The following WDR72 variants were observed in gnomAD, a reference collection of about 807,000 sequenced individuals.
The protein encoded by WDR72 is WD repeat-containing protein 72.
In WDR72, 120 loss-of-function variants were observed where a neutral mutation model predicts 124.2. That is an observed-to-expected ratio of 0.97 (90% CI 0.83 to 1.12). WDR72 has a LOEUF of 1.12. Among genes scored for constraint, WDR72 ranks in the 50% most tolerant of loss-of-function variants. WDR72 has a pLI of 0.00. For missense variants in WDR72, 1,387 were observed against 1,278.8 expected (o/e 1.08, Z -1.29); for synonymous variants, 452 against 441.7 (o/e 1.02, Z -0.29).
intron 18 of WDR72, among the ~76,000 whole-genome samples, chr15:53,525,533 G>T (rs983099257): frequency 6.6e-6 from 1 of 151,958 alleles, no homozygotes; most frequent in Non-Finnish European, 1.5e-5. Flanking sequence ...CTAAATCAGG[G>T]ACCTCACAGA....
intron 18 of WDR72, among the ~76,000 whole-genome samples, chr15:53,569,760 C>G (rs1894440661): frequency 6.6e-6 from 1 of 151,976 alleles, no homozygotes; most frequent in Non-Finnish European, 1.5e-5. Flanking sequence ...CTTTATCATG[C>G]CCCCCTAGAA....
intron 17 of WDR72, among the ~76,000 whole-genome samples, chr15:53,608,379 A>C (rs1056674218): frequency 5.9e-5 from 9 of 152,196 alleles, no homozygotes; most frequent in Non-Finnish European, 1.3e-4. Flanking sequence ...ATCATGGATA[A>C]ACTGGAGATC....
At chr15:53,575,662 G>A (rs1894726168) in intron 18 of WDR72, among the ~76,000 whole-genome samples, 1 of 152,120 alleles carries the variant, frequency 6.6e-6, no homozygotes, top group South Asian at 2.1e-4. Flanking sequence ...TACCTAGCCT[G>A]CATAGTTATT....
At chr15:53,760,692 A>G (rs893862607), upstream of WDR72, among the ~76,000 whole-genome samples, 6 of 152,192 alleles carry the variant, frequency 3.9e-5, no homozygotes, top group African/African-American at 1.4e-4. Context: ...TTTTGGATGT[A>G]TACCTAGCAA....
chr15:53,698,049 A>T (rs1485942178), intron 13 of WDR72, among the ~76,000 whole-genome samples: 4 of 152,080 alleles, frequency 2.6e-5, no homozygotes, highest in Non-Finnish European at 5.9e-5. Context: ...CTTTATATTT[A>T]TTTTTCAAAC....
At chr15:53,638,762 C>T (rs766248999) in intron 14 of WDR72, among the ~76,000 whole-genome samples, 22 of 151,926 alleles carry the variant, frequency 1.4e-4, no homozygotes, top group African/African-American at 4.8e-4. Context: ...CCAGCACTTT[C>T]GGAGGACAAT....
chr15:53,642,471 T>C (rs540499783), intron 14 of WDR72, among the ~76,000 whole-genome samples: 1 of 152,134 alleles, frequency 6.6e-6, no homozygotes, highest in East Asian at 1.9e-4. Context: ...TTACTTCATA[T>C]CTAGAAAGGG....
rs117407082 is a variant in WDR72, at chr15:53,579,141, G to A, written c.3148+17938C>T. 6.2e-3 allele frequency among the ~76,000 whole-genome samples: 938 copies of A among 152,204 alleles called. 8 individuals carry two copies. Among genetic ancestry groups the A allele is most frequent in the Non-Finnish European group, 0.01 (709 of 68,000 alleles). On this transcript the variant is annotated intron_variant, in intron 18 of 19. Coordinates refer to ENST00000360509, the MANE Select transcript of WDR72 (RefSeq NM_182758.4). ...AGAGTAGACAAGTGCCAGGTGTGGT[G>A]TATGGTCACCTTGTGAAACTGCATG...
intron 13 of WDR72, among the ~76,000 whole-genome samples, chr15:53,689,827 C>T (rs1595852635): frequency 6.6e-6 from 1 of 151,998 alleles, no homozygotes; most frequent in African/African-American, 2.4e-5. Flanking sequence ...AGATGTCCAA[C>T]AGTGATAGAC....
chr15:53,599,279 A>G (rs956092780), intron 17 of WDR72, among the ~76,000 whole-genome samples: 2 of 152,120 alleles, frequency 1.3e-5, no homozygotes, highest in Non-Finnish European at 2.9e-5. Flanking sequence ...GAACAATTTT[A>G]TAACACTGAA....
intron 1 of WDR72, among the ~76,000 whole-genome samples, chr15:53,758,986 T>A (rs7162653): frequency 2.6e-5 from 4 of 151,646 alleles, no homozygotes; most frequent in Non-Finnish European, 5.9e-5. Context: ...TTTATCTTCC[T>A]GCCTCTCATC....
intron 18 of WDR72, among the ~76,000 whole-genome samples, chr15:53,557,069 CAAG>C: frequency 6.6e-6 from 1 of 152,098 alleles, no homozygotes; most frequent in Non-Finnish European, 1.5e-5. Context: ...ATAGTACTGC[CAAG>C]GTTGACTTGG....
chr15:53,643,257 A>C (rs2140415128), intron 14 of WDR72, among the ~76,000 whole-genome samples: 1 of 152,282 alleles, frequency 6.6e-6, no homozygotes, highest in South Asian at 2.1e-4. Flanking sequence ...ATGAAGATTT[A>C]TGACATAAGG....
At chr15:53,553,164 T>C (rs1021398826) in intron 18 of WDR72, among the ~76,000 whole-genome samples, 1 of 152,168 alleles carries the variant, frequency 6.6e-6, no homozygotes, top group Non-Finnish European at 1.5e-5. Flanking sequence ...GATGTAATTT[T>C]ATTATCTGGC....
At chr15:53,625,375 A>G (rs2014163167) in intron 14 of WDR72, among the ~76,000 whole-genome samples, 1 of 152,228 alleles carries the variant, frequency 6.6e-6, no homozygotes, top group South Asian at 2.1e-4. Flanking sequence ...TTCCTCAAAA[A>G]TCATCACTTT....
At chr15:53,621,844 G>A (rs573182621) in intron 14 of WDR72, among the ~76,000 whole-genome samples, 6 of 152,002 alleles carry the variant, frequency 3.9e-5, no homozygotes, top group African/African-American at 1.4e-4. Context: ...ACAACCTATA[G>A]AATGGGAGAA....
At chr15:53,708,944 AC>A (rs113357366) in intron 9 of WDR72, among the ~76,000 whole-genome samples, 3 of 152,296 alleles carry the variant, frequency 2.0e-5, no homozygotes, top group African/African-American at 7.2e-5. Flanking sequence ...CCTCATTCTT[AC>A]CACTGTAACT....
chr15:53,547,730 T>G (rs1053713425), intron 18 of WDR72, among the ~76,000 whole-genome samples: 2 of 152,150 alleles, frequency 1.3e-5, no homozygotes, highest in Non-Finnish European at 2.9e-5. Context: ...GTTCAGGACC[T>G]CAGAAGAGAT....
chr15:53,726,091 G>A (rs950161212), intron 2 of WDR72, among the ~76,000 whole-genome samples: 11 of 150,156 alleles, frequency 7.3e-5, no homozygotes, highest in Non-Finnish European at 1.0e-4. Flanking sequence ...AAAAAGATAC[G>A]TGTCATTATA....
Sources: gnomAD v4.1 joint callset for allele counts (sites outside exome capture counted in the v4.1 genomes callset) on GRCh38, gnomAD v4.1.1 for gene constraint, MANE v1.5 for transcripts, NCBI Gene and HGNC (gene_info 2026-07-23, HGNC 2026-07-21) for gene names.